XKR6: variants seen among roughly 807,000 people sequenced by gnomAD.
XKR6 encodes XK-related protein 6.
XKR6 carries 22 observed loss-of-function variants against 56.7 expected under a neutral mutation model. That is an observed-to-expected ratio of 0.39 (90% CI 0.28 to 0.55). The LOEUF is 0.55. XKR6 is among the 20% of genes least tolerant of loss of function. The pLI, the probability that XKR6 is intolerant of heterozygous loss-of-function variation, is 0.66. For synonymous variants in XKR6, 524 were observed against 387.8 expected, an observed-to-expected ratio of 1.35 and a Z score of -4.13; for missense variants, 852 against 889.0, an observed-to-expected ratio of 0.96 and a Z score of 0.53.
At chr8:10,899,804 T>A (rs1799984584) in intron 2 of XKR6, among the ~76,000 whole-genome samples, 1 of 152,224 alleles carries the variant, frequency 6.6e-6, no homozygotes, top group South Asian at 2.1e-4. Flanking sequence ...TCACAGAGTT[T>A]GAGTGTGCCT....
At chr8:11,148,865 C>T (rs567808506) in intron 1 of XKR6, among the ~76,000 whole-genome samples, 1 of 152,150 alleles carries the variant, frequency 6.6e-6, no homozygotes, top group African/African-American at 2.4e-5. Context: ...ATTAATACCA[C>T]ACAACAACAT....
At chr8:10,908,675 C>G (rs949939975) in intron 2 of XKR6, among the ~76,000 whole-genome samples, 1 of 152,174 alleles carries the variant, frequency 6.6e-6, no homozygotes, top group Non-Finnish European at 1.5e-5. Context: ...ACACTTAAAA[C>G]TGCAACTCCC....
chr8:11,176,033 C>A (rs1428055516), intron 1 of XKR6, among the ~76,000 whole-genome samples: 1 of 152,186 alleles, frequency 6.6e-6, no homozygotes, highest in Non-Finnish European at 1.5e-5. Flanking sequence ...ATACACTACT[C>A]TGTGGGTGTA....
intron 1 of XKR6, among the ~76,000 whole-genome samples, chr8:11,050,036 C>G (rs982540282): frequency 6.6e-6 from 1 of 152,158 alleles, no homozygotes. Flanking sequence ...AGGAGCTGCT[C>G]CCTGGCCTTG....
intron 1 of XKR6, chr8:11,137,507 C>T (rs780610987): frequency 6.6e-6 from 3 of 455,418 alleles, no homozygotes; most frequent in Non-Finnish European, 1.3e-5. Flanking sequence ...CTACACTAAC[C>T]TAGGAGACGG....
At chr8:10,994,108 C>G (rs948416756) in intron 1 of XKR6, among the ~76,000 whole-genome samples, 4 of 152,214 alleles carry the variant, frequency 2.6e-5, no homozygotes, top group African/African-American at 9.6e-5. Context: ...TCCCCAACCT[C>G]TAACTGATAG....
rs186434104 is a variant in XKR6, at chr8:11,132,236, C to G, written c.764+68340G>C. ...CTTTGAGACAAGTTATCCTCAAGAT[C>G]AAAGTGAATGCATCACAGTCACAGG... On this transcript the variant is annotated intron_variant, in intron 1 of 2. Transcript: ENST00000416569. Among the ~76,000 whole-genome samples, 60 of 152,274 alleles carry G rather than the reference C, an allele frequency of 3.9e-4. No homozygotes were observed. The East Asian group carries it at 8.1e-3, about 21-fold the overall frequency.
At chr8:11,069,676 C>G (rs568905808) in intron 1 of XKR6, among the ~76,000 whole-genome samples, 47 of 151,860 alleles carry the variant, frequency 3.1e-4, no homozygotes, top group African/African-American at 1.1e-3. Context: ...AATAAGCAAA[C>G]AGAATAAAGA....
intron 1 of XKR6, among the ~76,000 whole-genome samples, chr8:10,956,672 C>A (rs111344721): frequency 2.6e-5 from 4 of 152,216 alleles, no homozygotes; most frequent in African/African-American, 9.6e-5. Flanking sequence ...AGGAGAACAG[C>A]GGATGTCAAA....
chr8:11,128,269 C>T (rs1233270271), intron 1 of XKR6, among the ~76,000 whole-genome samples: 1 of 152,210 alleles, frequency 6.6e-6, no homozygotes, highest in Non-Finnish European at 1.5e-5. Context: ...TCTCCCTGAC[C>T]TCTAAAGCCC....
At chr8:11,097,807 CAAAAA>C (rs1196874380) in intron 1 of XKR6, among the ~76,000 whole-genome samples, 1 of 62,964 alleles carries the variant, frequency 1.6e-5, no homozygotes, top group African/African-American at 5.9e-5. Flanking sequence ...GACTCCATCT[CAAAAA>C]AAAAAAAAAA....
At chr8:11,132,763 G>GCACACA (rs1202405406) in intron 1 of XKR6, among the ~76,000 whole-genome samples, 1 of 80,864 alleles carries the variant, frequency 1.2e-5, no homozygotes, top group Non-Finnish European at 2.6e-5. Flanking sequence ...ACACACACAC[G>GCACACA]CACGCACACA....
At position 11,149,904 on chromosome 8, in the gene XKR6, A is replaced by G. The variant is rs5028723; in HGVS notation, c.764+50672T>C. The stretch of plus-strand genomic sequence containing the variant: ...TGATGAAATACTATTCAGCCACAGA[A>G]AAGAATAAAATCACGCCGTTTGCAG... On this transcript the variant is annotated intron_variant, in intron 1 of 2. Transcript: ENST00000416569. Among the ~76,000 whole-genome samples, 12 of 152,378 alleles carry G rather than the reference A, an allele frequency of 7.9e-5. 1 individual carries two copies. The East Asian group carries it at 1.9e-3, about 24-fold the overall frequency.
chr8:10,991,456 C>T (rs763012900), intron 1 of XKR6, among the ~76,000 whole-genome samples: 6 of 152,080 alleles, frequency 3.9e-5, no homozygotes, highest in African/African-American at 1.4e-4. Context: ...CAGAAGCTAT[C>T]CAAAGAAATA....
chr8:10,951,298 TGG>T (rs758861550), intron 1 of XKR6, among the ~76,000 whole-genome samples: 66 of 84,748 alleles, frequency 7.8e-4, no homozygotes, highest in East Asian at 5.1e-3. Context: ...TGTGTGTGTG[TGG>T]GGGGGGGGGG....
chr8:11,031,480 T>C (rs1278088808), intron 1 of XKR6, among the ~76,000 whole-genome samples: 2 of 151,960 alleles, frequency 1.3e-5, no homozygotes, highest in African/African-American at 4.8e-5. Context: ...GCTGCAGGAA[T>C]TTGGGGCCCA....
chr8:10,932,139 GA>G (rs901727480), intron 1 of XKR6, among the ~76,000 whole-genome samples: 6 of 152,182 alleles, frequency 3.9e-5, no homozygotes, highest in East Asian at 1.9e-4. Context: ...AAATCACAGT[GA>G]AAAAAACCCC....
intron 2 of XKR6, among the ~76,000 whole-genome samples, chr8:10,907,094 C>A (rs1193965774): frequency 6.6e-6 from 1 of 152,058 alleles, no homozygotes. Flanking sequence ...AGAGAAGAGA[C>A]GGCAATCACA....
intron 1 of XKR6, among the ~76,000 whole-genome samples, chr8:11,130,577 C>T (rs1004527503): frequency 6.6e-6 from 1 of 150,844 alleles, no homozygotes; most frequent in African/African-American, 2.4e-5. Flanking sequence ...TAGGGGCTGC[C>T]AACTATGGCT....
Sources: allele counts gnomAD v4.1 joint callset (sites outside exome capture counted in the v4.1 genomes callset), GRCh38; gene constraint gnomAD v4.1.1; transcripts MANE v1.5; gene names NCBI Gene and HGNC (gene_info 2026-07-23, HGNC 2026-07-21).